ADK: variants seen among roughly 807,000 people sequenced by gnomAD.
ADK encodes the protein N6,N6-dimethyladenosine kinase.
In ADK, 24 loss-of-function variants were observed where a neutral mutation model predicts 44.7. That is an observed-to-expected ratio of 0.54 (90% CI 0.39 to 0.76). The LOEUF is 0.76. Ranked by LOEUF, ADK falls within the 30% of genes least tolerant of loss-of-function variation. The probability of loss-of-function intolerance (pLI) is 0.00; values close to 1 mark genes in which losing one functional copy is unlikely to be tolerated. For missense variants in ADK, 321 were observed against 425.1 expected, an observed-to-expected ratio of 0.76 and a Z score of 2.15; for synonymous variants, 128 against 142.6, an observed-to-expected ratio of 0.90 and a Z score of 0.73.
intron 6 of ADK, among the ~76,000 whole-genome samples, chr10:74,420,936 G>A (rs183167777): frequency 1.8e-4 from 28 of 152,240 alleles, no homozygotes; most frequent in Admixed American, 4.6e-4. Flanking sequence ...AATTTTTAGG[G>A]CGATGTACTG....
At chr10:74,677,771 T>C (rs1445753931) in intron 10 of ADK, among the ~76,000 whole-genome samples, 2 of 151,994 alleles carry the variant, frequency 1.3e-5, no homozygotes, top group African/African-American at 4.8e-5. Flanking sequence ...CTCTGTTTTA[T>C]TTCTTGAACA....
chr10:74,496,240 TG>T (rs1288779455), intron 6 of ADK, among the ~76,000 whole-genome samples: 1 of 152,170 alleles, frequency 6.6e-6, no homozygotes, highest in East Asian at 1.9e-4. Context: ...TCAAGTAACT[TG>T]GACTACAGGC....
intron 6 of ADK, among the ~76,000 whole-genome samples, chr10:74,517,149 A>G (rs1185463224): frequency 1.3e-5 from 2 of 152,142 alleles, no homozygotes; most frequent in African/African-American, 2.4e-5. Flanking sequence ...GAGCCAAACC[A>G]TATCAGTGTG....
rs372737664 is a variant in ADK at position 74,298,504 on chromosome 10, G to A, written c.195-16163G>A. On this transcript the variant is annotated intron_variant, in intron 3 of 10. Transcript: ENST00000539909. ...GCAGTGGCTCACACCTGTAACCCCAGCATTTTGGGAGTCTGAAGCAAGAGG... is the reference window on the plus strand; with the variant it reads ...GCAGTGGCTCACACCTGTAACCCCAACATTTTGGGAGTCTGAAGCAAGAGG... Among the ~76,000 whole-genome samples, 16 of 152,218 alleles carry A rather than the reference G, an allele frequency of 1.1e-4. No homozygotes were observed. The Middle Eastern group carries it at 0.01, about 97-fold the overall frequency.
At chr10:74,625,520 A>G (rs535710371) in intron 9 of ADK, among the ~76,000 whole-genome samples, 44 of 152,294 alleles carry the variant, frequency 2.9e-4, no homozygotes, top group African/African-American at 7.9e-4. Flanking sequence ...CCGTAATTCC[A>G]TAAAAGAAAG....
intron 7 of ADK, among the ~76,000 whole-genome samples, chr10:74,533,573 A>G (rs989753890): frequency 3.3e-5 from 5 of 152,224 alleles, no homozygotes; most frequent in Admixed American, 1.3e-4. Context: ...AAATATCCAT[A>G]TCTAAAAACG....
chr10:74,368,532 T>G (rs994831767), intron 4 of ADK, among the ~76,000 whole-genome samples: 6 of 152,190 alleles, frequency 3.9e-5, no homozygotes, highest in Non-Finnish European at 7.4e-5. Context: ...CATCAGATAC[T>G]TCTAACATAA....
intron 9 of ADK, among the ~76,000 whole-genome samples, chr10:74,651,322 G>A (rs1297747015): frequency 6.6e-6 from 1 of 152,044 alleles, no homozygotes; most frequent in African/African-American, 2.4e-5. Context: ...TAGGAAGAAT[G>A]TTTCCTTCTT....
chr10:74,341,929 A>G (rs1257476728), intron 4 of ADK, among the ~76,000 whole-genome samples: 1 of 152,194 alleles, frequency 6.6e-6, no homozygotes, highest in East Asian at 1.9e-4. Flanking sequence ...CTTAGCACAA[A>G]TGATATCACT....
At chr10:74,663,145 G>A (rs1233977411) in intron 9 of ADK, among the ~76,000 whole-genome samples, 2 of 151,056 alleles carry the variant, frequency 1.3e-5, no homozygotes, top group African/African-American at 4.9e-5. Flanking sequence ...TGAGGCACAA[G>A]AATAGCCTGA....
At chr10:74,299,755 A>G (rs1168751132) in intron 3 of ADK, among the ~76,000 whole-genome samples, 1 of 151,750 alleles carries the variant, frequency 6.6e-6, no homozygotes, top group Non-Finnish European at 1.5e-5. Flanking sequence ...ATTTGAATCT[A>G]TGATTTATTA....
chr10:74,269,139 A>C (rs908995692), intron 3 of ADK, among the ~76,000 whole-genome samples: 2 of 152,172 alleles, frequency 1.3e-5, no homozygotes, highest in African/African-American at 4.8e-5. Context: ...TGTATTTATC[A>C]TAATTTTTTT....
intron 6 of ADK, among the ~76,000 whole-genome samples, chr10:74,508,201 G>C (rs1374105371): frequency 6.6e-6 from 1 of 152,114 alleles, no homozygotes; most frequent in Non-Finnish European, 1.5e-5. Flanking sequence ...CTGTCAGCAA[G>C]ATATAGGATG....
intron 6 of ADK, among the ~76,000 whole-genome samples, chr10:74,460,752 C>T (rs1012282001): frequency 6.6e-6 from 1 of 152,052 alleles, no homozygotes; most frequent in African/African-American, 2.4e-5. Context: ...TGTGTCCTCT[C>T]CTCTGAAGTT....
At chr10:74,457,158 G>A (rs1466926377) in intron 6 of ADK, among the ~76,000 whole-genome samples, 2 of 152,102 alleles carry the variant, frequency 1.3e-5, no homozygotes, top group Non-Finnish European at 2.9e-5. Context: ...TATCACTACT[G>A]ATCCCACAGA....
At chr10:74,451,814 G>A (rs1358587658) in intron 6 of ADK, among the ~76,000 whole-genome samples, 1 of 152,036 alleles carries the variant, frequency 6.6e-6, no homozygotes, top group Non-Finnish European at 1.5e-5. Flanking sequence ...ATACCAGAAA[G>A]TGAAAGAAAA....
chr10:74,483,993 T>C lies in ADK; in HGVS notation c.556-41263T>C, dbSNP rs368606744. Among the ~76,000 whole-genome samples the C allele has an allele frequency of 2.3e-4, 35 of 152,354 alleles. 1 individual carries two copies. The highest frequency in any genetic ancestry group is 6.8e-3 in the Middle Eastern group (2 of 294). ...CCTCCAAACTGTTTCAACCTCTGTG[T>C]GTTACACTGTTCCAACGTTGCTTCC... On this transcript the variant is annotated intron_variant, in intron 6 of 10. Coordinates refer to ENST00000539909, the MANE Select transcript of ADK (RefSeq NM_006721.4).
At chr10:74,431,875 A>G (rs1417330560) in intron 6 of ADK, among the ~76,000 whole-genome samples, 1 of 152,072 alleles carries the variant, frequency 6.6e-6, no homozygotes, top group African/African-American at 2.4e-5. Flanking sequence ...TTCCATAGAC[A>G]AAAGGCTTTC....
At chr10:74,340,190 G>T (rs972018838) in intron 4 of ADK, among the ~76,000 whole-genome samples, 1 of 152,016 alleles carries the variant, frequency 6.6e-6, no homozygotes, top group South Asian at 2.1e-4. Context: ...TTTAATTTTA[G>T]TATTCAACTC....
Sources: gnomAD v4.1 joint callset for allele counts (sites outside exome capture counted in the v4.1 genomes callset) on GRCh38, gnomAD v4.1.1 for gene constraint, MANE v1.5 for transcripts, NCBI Gene and HGNC (gene_info 2026-07-23, HGNC 2026-07-21) for gene names.